CFAP54: variants seen among roughly 807,000 people sequenced by gnomAD.
CFAP54 encodes cilia- and flagella-associated protein 54.
A neutral mutation model predicts 370.4 loss-of-function variants in CFAP54; 290 were observed. The observed-to-expected ratio is 0.78, with a 90% CI of 0.71 to 0.86. The LOEUF is 0.86. CFAP54 is among the 40% of genes least tolerant of loss of function. CFAP54 has a pLI of 0.00. For synonymous variants in CFAP54, 1,206 were observed against 1,236.5 expected (o/e 0.98, Z 0.52); for missense variants, 3,399 against 3,528.7 (o/e 0.96, Z 0.93).
rs561284325 is a variant in CFAP54, at chr12:96,648,151, T to G, written c.4690+134T>G. 6.0e-4 allele frequency: 341 copies of G among 567,830 alleles called. 2 individuals carry two copies. In the African/African-American group the frequency reaches 6.0e-3, roughly 10 times the overall value. 35.2% of individuals were successfully genotyped at this position (567,830 alleles called of 1,614,324 possible). ...CCAAAGGACCAGCAATTTAGTTGAG[T>G]TTTGATATTTTGTAGGAGATTCTTG... On this transcript the variant is annotated intron_variant, in intron 34 of 67. Coordinates refer to ENST00000524981, the MANE Select transcript of CFAP54 (RefSeq NM_001306084.2).
chr12:96,507,964 C>T (rs1955125297), intron 4 of CFAP54, among the ~76,000 whole-genome samples: 2 of 152,102 alleles, frequency 1.3e-5, no homozygotes, highest in African/African-American at 4.8e-5. Flanking sequence ...GTTACCTGCG[C>T]CACCACTGCC....
intron 61 of CFAP54, among the ~76,000 whole-genome samples, chr12:96,785,518 G>C (rs1958620264): frequency 6.6e-6 from 1 of 152,112 alleles, no homozygotes; most frequent in Admixed American, 6.6e-5. Context: ...GAAACCAGAA[G>C]GGCAAATAGG....
chr12:96,863,899 A>G (rs1162610034), intron 67 of CFAP54, among the ~76,000 whole-genome samples: 1 of 152,162 alleles, frequency 6.6e-6, no homozygotes, highest in Non-Finnish European at 1.5e-5. Context: ...AAACTGCACC[A>G]GACCATACAG....
At chr12:96,692,330 C>T (rs1451060186) in intron 44 of CFAP54, among the ~76,000 whole-genome samples, 1 of 152,050 alleles carries the variant, frequency 6.6e-6, no homozygotes, top group African/African-American at 2.4e-5. Context: ...TAGTTCTATC[C>T]CCTGGGTAAC....
chr12:96,489,605 T>A lies in CFAP54; in HGVS notation c.-5T>A, dbSNP rs547557284. On this transcript the variant is annotated 5_prime_UTR_variant, in exon 1 of 68. Coordinates refer to ENST00000524981, the MANE Select transcript of CFAP54 (RefSeq NM_001306084.2). ...CATACTCCAGGCGGGCCGGGGCGCG[T>A]CAATATGGCGGCGCAGGGCTCCCCC... 468 of 1,512,766 alleles carry A rather than the reference T, an allele frequency of 3.1e-4. 4 individuals are homozygous for A. The South Asian group carries it at 4.7e-3, about 15-fold the overall frequency. 93.7% of individuals were successfully genotyped at this position (1,512,766 alleles called of 1,614,324 possible).
intron 26 of CFAP54, among the ~76,000 whole-genome samples, chr12:96,614,174 G>T (rs370512141): frequency 2.0e-4 from 31 of 152,030 alleles, no homozygotes; most frequent in Non-Finnish European, 2.8e-4. Flanking sequence ...CATGATCAAG[G>T]GGGCTTCATC....
intron 67 of CFAP54, among the ~76,000 whole-genome samples, chr12:96,864,549 C>T (rs968204003): frequency 6.6e-6 from 1 of 152,066 alleles, no homozygotes; most frequent in East Asian, 1.9e-4. Context: ...AATGTACTCT[C>T]CAGAAACTTG....
At chr12:96,613,169 T>C (rs1246993754) in intron 26 of CFAP54, among the ~76,000 whole-genome samples, 2 of 152,106 alleles carry the variant, frequency 1.3e-5, no homozygotes, top group Non-Finnish European at 2.9e-5. Flanking sequence ...ATAACAGCTG[T>C]CTCTGAGACC....
Position 96,693,775 on chromosome 12 carries a change from C to T in CFAP54, c.6318C>T (p.Asp2106=). 1.2e-6 allele frequency: 2 copies of T among 1,600,020 alleles called. No individual in the cohort carries two copies. The highest frequency in any genetic ancestry group is 8.6e-7 in the Non-Finnish European group (1 of 1,168,836). The part of the protein sequence containing the change: ...YQYFVSGICQ[D]ITRNLEARIL... ...ATTTTGTTTCTGGAATTTGTCAAGA[C>T]ATAACAAGAAATCTAGAAGCAAGAA... Residue 2106 remains aspartate, a synonymous_variant, in exon 45 of 68, where the codon GAC becomes GAT. Transcript: ENST00000524981.
At position 96,843,111 on chromosome 12, in the gene CFAP54, A is replaced by G. The variant is rs988188699; in HGVS notation, c.9171+14023A>G. On this transcript the variant is annotated intron_variant, in intron 66 of 67. Coordinates refer to ENST00000524981, the MANE Select transcript of CFAP54 (RefSeq NM_001306084.2). ...ACAAAGCCTGTCATGCTTTGATTCT[A>G]GGCAACGAAGTCCCAGGAACAAAAT... 3.3e-5 allele frequency among the ~76,000 whole-genome samples: 5 copies of G among 152,222 alleles called. No homozygotes were observed. In the South Asian group the frequency reaches 1.0e-3, roughly 32 times the overall value.
At chr12:96,665,787 A>T (rs1291017602) in intron 39 of CFAP54, among the ~76,000 whole-genome samples, 1 of 152,076 alleles carries the variant, frequency 6.6e-6, no homozygotes, top group African/African-American at 2.4e-5. Context: ...GCTTAGTATT[A>T]TCTTGGCTAT....
At chr12:96,508,606 T>A (rs1470726882) in intron 4 of CFAP54, among the ~76,000 whole-genome samples, 3 of 129,682 alleles carry the variant, frequency 2.3e-5, no homozygotes, top group African/African-American at 5.7e-5. Context: ...TTTTTTTTTT[T>A]TAAAAGATTA....
intron 60 of CFAP54, among the ~76,000 whole-genome samples, chr12:96,777,807 T>C (rs558840824): frequency 4.9e-4 from 75 of 152,364 alleles, no homozygotes; most frequent in African/African-American, 1.8e-3. Flanking sequence ...TACCATTGCT[T>C]TTGTGCCATC....
At chr12:96,499,002 G>A (rs1237395642) in intron 1 of CFAP54, among the ~76,000 whole-genome samples, 3 of 151,868 alleles carry the variant, frequency 2.0e-5, no homozygotes, top group Non-Finnish European at 4.4e-5. Context: ...TTTTTGAGAT[G>A]GAGTCTTGCT....
At chr12:96,643,543 C>G (rs1025281923) in intron 32 of CFAP54, among the ~76,000 whole-genome samples, 10 of 152,080 alleles carry the variant, frequency 6.6e-5, no homozygotes, top group African/African-American at 2.2e-4. Context: ...ACAATATGCT[C>G]TATAAACAAC....
intron 40 of CFAP54, chr12:96,682,414 C>A: frequency 3.1e-6 from 2 of 645,600 alleles, no homozygotes; most frequent in Non-Finnish European, 3.8e-6. Context: ...GTCATCCAGG[C>A]TGGAGTGCAG....
At chr12:96,544,748 A>G (rs1443386757) in intron 14 of CFAP54, among the ~76,000 whole-genome samples, 2 of 152,166 alleles carry the variant, frequency 1.3e-5, no homozygotes, top group South Asian at 2.1e-4. Context: ...TATAAAGGAA[A>G]GGACCTTATT....
chr12:96,657,443 CCATAATTTATTT>C (rs1426970160), intron 36 of CFAP54, among the ~76,000 whole-genome samples: 1 of 152,168 alleles, frequency 6.6e-6, no homozygotes, highest in Non-Finnish European at 1.5e-5. Flanking sequence ...AAAAATCTTA[CCATAATTTATTT>C]CATATCCTTA....
chr12:96,839,392 G>T (rs1296134495), intron 66 of CFAP54, among the ~76,000 whole-genome samples: 1 of 152,184 alleles, frequency 6.6e-6, no homozygotes, highest in Non-Finnish European at 1.5e-5. Flanking sequence ...ACCCTTACAA[G>T]TAGATTTAAT....
Sources: gnomAD v4.1 joint callset for allele counts (sites outside exome capture counted in the v4.1 genomes callset) on GRCh38, gnomAD v4.1.1 for gene constraint, MANE v1.5 for transcripts, NCBI Gene and HGNC (gene_info 2026-07-23, HGNC 2026-07-21) for gene names.